Variants in MAPRE2 observed in about 807,000 individuals in gnomAD.
The protein encoded by MAPRE2 is microtubule associated protein RP/EB family member 2, also known as microtubule-associated protein RP/EB family member 2.
In MAPRE2, 13 loss-of-function variants were observed where a neutral mutation model predicts 43.2. That is an observed-to-expected ratio of 0.30 (90% CI 0.20 to 0.48). The LOEUF is 0.48. Ranked by LOEUF, MAPRE2 falls within the 20% of genes least tolerant of loss-of-function variation. The probability of loss-of-function intolerance (pLI) is 0.99; values close to 1 mark genes in which losing one functional copy is unlikely to be tolerated. For synonymous variants in MAPRE2, 135 were observed against 148.8 expected (o/e 0.91, Z 0.68); for missense variants, 161 against 400.2 (o/e 0.40, Z 5.10).
At chr18:35,011,274 C>T (rs1001905071) in intron 2 of MAPRE2, among the ~76,000 whole-genome samples, 32 of 152,008 alleles carry the variant, frequency 2.1e-4, no homozygotes, top group African/African-American at 6.5e-4. Flanking sequence ...AATCTGAGAC[C>T]CGAAGGAAAA....
At chr18:34,993,530 C>T (rs957983296) in intron 1 of MAPRE2, among the ~76,000 whole-genome samples, 1 of 152,124 alleles carries the variant, frequency 6.6e-6, no homozygotes, top group African/African-American at 2.4e-5. Flanking sequence ...GGGACTTCCC[C>T]TTTTTAAGAC....
chr18:35,119,289 G>A (rs1909564241), intron 4 of MAPRE2, among the ~76,000 whole-genome samples: 3 of 152,140 alleles, frequency 2.0e-5, no homozygotes, highest in Admixed American at 2.0e-4. Context: ...GACCCATAGT[G>A]GATGCTTAGG....
intron 2 of MAPRE2, among the ~76,000 whole-genome samples, chr18:35,077,239 G>C (rs867988414): frequency 1.1e-5 from 1 of 87,396 alleles, no homozygotes; most frequent in African/African-American, 6.2e-5. Flanking sequence ...ATACGCGCGC[G>C]TGCGCGCGCG....
At chr18:35,034,666 A>G (rs1323380636) in intron 2 of MAPRE2, among the ~76,000 whole-genome samples, 1 of 152,002 alleles carries the variant, frequency 6.6e-6, no homozygotes, top group African/African-American at 2.4e-5. Flanking sequence ...AATTTACAAG[A>G]AAAAAACAAA....
chr18:35,110,078 CT>C (rs1191815084), intron 4 of MAPRE2, among the ~76,000 whole-genome samples: 2 of 151,988 alleles, frequency 1.3e-5, no homozygotes, highest in Non-Finnish European at 2.9e-5. Flanking sequence ...TACTGTACAC[CT>C]TTATGTAAAA....
At chr18:35,114,259 A>C (rs16960019) in intron 4 of MAPRE2, among the ~76,000 whole-genome samples, 3,282 of 152,294 alleles carry the variant, frequency 0.022, 111 homozygotes, top group African/African-American at 0.074. Flanking sequence ...ACCAAATTCA[A>C]ATTACATGGT....
intron 2 of MAPRE2, among the ~76,000 whole-genome samples, chr18:35,031,705 T>C (rs1055800644): frequency 6.6e-6 from 1 of 152,222 alleles, no homozygotes; most frequent in African/African-American, 2.4e-5. Flanking sequence ...TTTCACATCA[T>C]GGACACCTTG....
At chr18:35,140,240 G>A in intron 6 of MAPRE2, 55 bp from the exon 7 acceptor site, 1 of 1,506,472 alleles carries the variant, frequency 6.6e-7, no homozygotes, top group South Asian at 1.2e-5. Context: ...CTGGGATGCT[G>A]CAGGGCCCCA....
At chr18:35,048,632 A>G (rs1905767883) in intron 1 of MAPRE2, among the ~76,000 whole-genome samples, 1 of 149,180 alleles carries the variant, frequency 6.7e-6, no homozygotes, top group Non-Finnish European at 1.5e-5. Flanking sequence ...GTATTAACAC[A>G]TATACTATAT....
intron 1 of MAPRE2, among the ~76,000 whole-genome samples, chr18:34,985,508 A>AT (rs2097020018): frequency 1.6e-4 from 10 of 61,356 alleles, no homozygotes; most frequent in African/African-American, 5.7e-4. Context: ...TATAATATAT[A>AT]ATATATATAT....
At chr18:35,043,380 C>A (rs686836) in intron 1 of MAPRE2, among the ~76,000 whole-genome samples, 1 of 152,046 alleles carries the variant, frequency 6.6e-6, no homozygotes, top group Non-Finnish European at 1.5e-5. Flanking sequence ...TTTTACCCCA[C>A]GGGCCAAAGG....
chr18:34,999,387 TATTCTAAAATAGAAAGGGCAATCTTAAA>T (rs2097028220), intron 1 of MAPRE2, among the ~76,000 whole-genome samples: 1 of 152,228 alleles, frequency 6.6e-6, no homozygotes, highest in Admixed American at 6.5e-5. Context: ...ATAAATATTC[TATTCTAAAATAGAAAGGGCAATCTTAAA>T]AAATATTTTA....
chr18:35,117,828 C>T (rs897112317), intron 4 of MAPRE2, among the ~76,000 whole-genome samples: 3 of 152,020 alleles, frequency 2.0e-5, no homozygotes, highest in East Asian at 1.9e-4. Flanking sequence ...TACCAAGATG[C>T]GAGGGGTGAA....
At chr18:35,079,123 G>A (rs1907512884) in intron 2 of MAPRE2, among the ~76,000 whole-genome samples, 1 of 152,198 alleles carries the variant, frequency 6.6e-6, no homozygotes, top group Non-Finnish European at 1.5e-5. Context: ...ACATTTGCAT[G>A]TGCATGTCTC....
intron 4 of MAPRE2, among the ~76,000 whole-genome samples, chr18:35,122,623 G>A (rs958566503): frequency 6.6e-6 from 1 of 152,114 alleles, no homozygotes; most frequent in Non-Finnish European, 1.5e-5. Context: ...CTGTGTCCCC[G>A]TTAGTGAGGC....
intron 1 of MAPRE2, among the ~76,000 whole-genome samples, chr18:35,069,441 A>G (rs1195392111): frequency 2.0e-5 from 3 of 152,134 alleles, no homozygotes; most frequent in Non-Finnish European, 4.4e-5. Context: ...AAATTATGTG[A>G]TTATTGGCAC....
At chr18:35,118,029 C>T (rs371544906) in intron 4 of MAPRE2, among the ~76,000 whole-genome samples, 1 of 151,958 alleles carries the variant, frequency 6.6e-6, no homozygotes, top group East Asian at 1.9e-4. Context: ...TAAAAATAAG[C>T]ACATCATCTC....
intron 2 of MAPRE2, among the ~76,000 whole-genome samples, chr18:35,078,178 A>C (rs531663777): frequency 1.1e-4 from 16 of 152,326 alleles, no homozygotes; most frequent in African/African-American, 3.8e-4. Context: ...ATGTTTTTCC[A>C]CAGATGAACT....
At chr18:35,053,992 A>G (rs1202160330) in intron 1 of MAPRE2, among the ~76,000 whole-genome samples, 1 of 152,248 alleles carries the variant, frequency 6.6e-6, no homozygotes, top group East Asian at 1.9e-4. Flanking sequence ...AAATGTAACA[A>G]GGAGCCATTT....
Sources: allele counts gnomAD v4.1 joint callset (sites outside exome capture counted in the v4.1 genomes callset), GRCh38; gene constraint gnomAD v4.1.1; transcripts MANE v1.5; gene names NCBI Gene and HGNC (gene_info 2026-07-23, HGNC 2026-07-21).